The following HERC2 variants were observed in gnomAD, a reference collection of about 807,000 sequenced individuals.
HERC2 encodes E3 ubiquitin-protein ligase HERC2.
HERC2 carries 102 observed loss-of-function variants against 537.7 expected under a neutral mutation model. That is an observed-to-expected ratio of 0.19 (90% CI 0.16 to 0.22). The LOEUF (loss-of-function observed/expected upper bound fraction) is 0.22, where lower values mean the gene tolerates loss of function less well. Ranked by LOEUF, HERC2 falls within the 10% of genes least tolerant of loss-of-function variation. The pLI is 1.00. For missense variants in HERC2, 4,236 were observed against 6,198.2 expected, an observed-to-expected ratio of 0.68 and a Z score of 10.63; for synonymous variants, 2,224 against 2,466.2, an observed-to-expected ratio of 0.90 and a Z score of 2.91.
rs142562377 is a variant in HERC2 at position 28,240,730 on chromosome 15, A to G, written c.3578-1958T>C. ...AAAATGGAATAGAATGGAGACCCCA[A>G]AAACAATCCATCACGTATTTGGTCA... is the stretch of plus-strand genomic sequence containing the variant. On this transcript the variant is annotated intron_variant, in intron 23 of 92. Transcript: ENST00000261609. Among the ~76,000 whole-genome samples the G allele has an allele frequency of 2.1e-3, 315 of 152,338 alleles. 1 individual carries two copies. Among genetic ancestry groups the G allele is most frequent in the African/African-American group, 7.2e-3 (298 of 41,582 alleles).
At chr15:28,187,585 A>G (rs899839663) in intron 55 of HERC2, among the ~76,000 whole-genome samples, 2 of 152,116 alleles carry the variant, frequency 1.3e-5, no homozygotes, top group Non-Finnish European at 2.9e-5. Context: ...CACCTGCCTC[A>G]GCTTCCCAAA....
chr15:28,178,459 C>T (rs1895506887), intron 59 of HERC2, among the ~76,000 whole-genome samples: 1 of 152,176 alleles, frequency 6.6e-6, no homozygotes, highest in African/African-American at 2.4e-5. Flanking sequence ...ATTTGGATTT[C>T]CTGTTATGCA....
In HERC2 at chr15:28,135,642, T is replaced by C. The variant is rs779356226; in HGVS notation, c.12066A>G (p.Thr4022=). The change falls in exon 79 of 93, where the codon ACA becomes ACG. Residue 4022 remains threonine, a synonymous_variant. Coordinates refer to ENST00000261609, the MANE Select transcript of HERC2 (RefSeq NM_004667.6). The stretch of plus-strand genomic sequence containing the variant: ...GCAATGTTGGGGTGGACACCGACTC[T>C]GTCCCTCCAATGCCTAGTCTGCCAC... ...GAGGRLGIGG[T]ESVSTPTLLE... 3.1e-6 allele frequency: 5 copies of C among 1,614,216 alleles called. No individual in the cohort carries two copies. The highest frequency in any genetic ancestry group is 4.2e-6 in the Non-Finnish European group (5 of 1,180,026).
rs1387396634 is a variant in HERC2 at position 28,132,886 on chromosome 15, C to T, written c.12231-56G>A. On this transcript the variant is annotated intron_variant, in intron 79 of 92. Coordinates refer to ENST00000261609, the MANE Select transcript of HERC2 (RefSeq NM_004667.6). ...CACATTTTTATTCTTAAACATTTTT[C>T]AGTGTATTAAATACCTCTCAATCTA... is the stretch of plus-strand genomic sequence containing the variant. 20 of 1,349,868 alleles carry T rather than the reference C, an allele frequency of 1.5e-5. No homozygotes were observed. The African/African-American group carries it at 2.0e-4, about 14-fold the overall frequency. 83.6% of individuals were successfully genotyped at this position (1,349,868 alleles called of 1,614,324 possible).
intron 15 of HERC2, among the ~76,000 whole-genome samples, chr15:28,262,657 T>C (rs934423233): frequency 3.2e-5 from 4 of 126,102 alleles, no homozygotes; most frequent in Non-Finnish European, 6.1e-5. Flanking sequence ...AATGGGTGCC[T>C]GCCACAGAAA....
intron 2 of HERC2, among the ~76,000 whole-genome samples, chr15:28,316,222 CAA>C (rs869089875): frequency 0.13 from 6,285 of 49,048 alleles, 6 homozygotes; most frequent in East Asian, 0.39. Context: ...GACTCTGTCT[CAA>C]AAAAAAAAAA....
intron 85 of HERC2, among the ~76,000 whole-genome samples, chr15:28,123,327 A>G (rs1406708481): frequency 6.6e-6 from 1 of 152,246 alleles, no homozygotes; most frequent in African/African-American, 2.4e-5. Context: ...TTAGAGAATC[A>G]CAATCAGGAT....
At chr15:28,141,386 C>A (rs763779917) in intron 78 of HERC2, 46 bp downstream of exon 78, 1 of 1,568,604 alleles carries the variant, frequency 6.4e-7, no homozygotes, top group East Asian at 2.2e-5. Context: ...TTAGCCACAA[C>A]TGCCTCAGGC....
chr15:28,173,504 C>A (rs76309464), intron 65 of HERC2, among the ~76,000 whole-genome samples: 8,205 of 152,058 alleles, frequency 0.054, 616 homozygotes, highest in African/African-American at 0.17. Context: ...GTAAGCTGTA[C>A]AACATGCAAA....
At chr15:28,289,869 G>A (rs1242305393) in intron 4 of HERC2, among the ~76,000 whole-genome samples, 2 of 152,056 alleles carry the variant, frequency 1.3e-5, no homozygotes, top group Non-Finnish European at 2.9e-5. Context: ...GCAGTGAAAG[G>A]ACGACACATC....
intron 83 of HERC2, among the ~76,000 whole-genome samples, chr15:28,126,775 T>C (rs192036782): frequency 1.4e-3 from 216 of 152,230 alleles, no homozygotes; most frequent in African/African-American, 5.1e-3. Context: ...ACTACTTGGG[T>C]GATGGGAGCA....
chr15:28,268,730 G>C lies in HERC2; in HGVS notation c.1447-114C>G. 2 of 873,730 alleles carry C rather than the reference G, an allele frequency of 2.3e-6. No individual in the cohort carries two copies. Among genetic ancestry groups the C allele is most frequent in the Non-Finnish European group, 1.8e-6 (1 of 564,082 alleles). 54.1% of individuals were successfully genotyped at this position (873,730 alleles called of 1,614,324 possible). On this transcript the variant is annotated intron_variant, in intron 11 of 92. Coordinates refer to ENST00000261609, the MANE Select transcript of HERC2 (RefSeq NM_004667.6). This position sits in a 1 kb window ranked among gnomAD's most constrained non-coding sequence, Gnocchi z 4.7. ...AAAGCCTGCTGTAACTCCAAGTGGG[G>C]CATAAGTCTCTGGGAACTACGGGGC... is the stretch of plus-strand genomic sequence containing the variant.
intron 20 of HERC2, among the ~76,000 whole-genome samples, chr15:28,252,089 A>G (rs1185297567): frequency 6.6e-6 from 1 of 152,214 alleles, no homozygotes; most frequent in Non-Finnish European, 1.5e-5. Context: ...GTGCTTCCTA[A>G]TAACGGAATC....
chr15:28,291,976 CT>C (rs1237835475), intron 4 of HERC2, among the ~76,000 whole-genome samples: 5 of 137,764 alleles, frequency 3.6e-5, no homozygotes, highest in African/African-American at 1.1e-4. Context: ...GCCTGTAATA[CT>C]AGCACTTTAG....
At chr15:28,251,667 G>C (rs1366378917) in intron 20 of HERC2, among the ~76,000 whole-genome samples, 3 of 151,804 alleles carry the variant, frequency 2.0e-5, no homozygotes, top group Non-Finnish European at 4.4e-5. Context: ...AGGCGTGGTG[G>C]TGTACGCCTG....
intron 36 of HERC2, 35 bp downstream of exon 36, chr15:28,221,993 T>C (rs775691139): frequency 1.9e-6 from 2 of 1,032,500 alleles, no homozygotes; most frequent in Non-Finnish European, 3.1e-6. Context: ...ATAACTAATG[T>C]GTGGCTAATG....
chr15:28,254,609 G>A (rs954174142), intron 19 of HERC2, 91 bp from the exon 20 acceptor site: 7 of 788,116 alleles, frequency 8.9e-6, no homozygotes, highest in Non-Finnish European at 1.4e-5. Context: ...CCAGTGCCAA[G>A]CTATCCCAGC....
chr15:28,225,881 C>G (rs2140548031), intron 35 of HERC2, among the ~76,000 whole-genome samples: 1 of 152,034 alleles, frequency 6.6e-6, no homozygotes, highest in Middle Eastern at 3.4e-3. Flanking sequence ...CATAAATTAC[C>G]CGAACTGACT....
At position 28,233,349 on chromosome 15, in the gene HERC2, G is replaced by T. The variant is rs1435439348; in HGVS notation, c.4480-8C>A. On this transcript the variant is annotated splice_region_variant and splice_polypyrimidine_tract_variant and intron_variant, in intron 29 of 92. Coordinates refer to ENST00000261609, the MANE Select transcript of HERC2 (RefSeq NM_004667.6). ...GCCCTGTTCTTGATGAGTCTGCAAA[G>T]TTAACCAGGAAAAGACAACTTTAAC... 1 of 1,381,676 alleles carries T rather than the reference G, an allele frequency of 7.2e-7. No homozygotes were observed. The highest frequency in any genetic ancestry group is 1.0e-6 in the Non-Finnish European group (1 of 978,574). The allele number at this position is 1,381,676 out of a possible 1,614,324, so 85.6% of individuals were successfully genotyped here.
Sources: allele counts gnomAD v4.1 joint callset (sites outside exome capture counted in the v4.1 genomes callset), GRCh38; gene constraint gnomAD v4.1.1; non-coding constraint Gnocchi (gnomAD v3.1); transcripts MANE v1.5; gene names NCBI Gene and HGNC (gene_info 2026-07-23, HGNC 2026-07-21).